AGBL4: variants seen among roughly 807,000 people sequenced by gnomAD.
The protein encoded by AGBL4 is AGBL carboxypeptidase 4, also known as cytosolic carboxypeptidase 6.
A neutral mutation model predicts 66.4 loss-of-function variants in AGBL4; 58 were observed. The ratio of observed to expected loss-of-function variants is 0.87; its 90% CI spans 0.71 to 1.09. AGBL4 has a LOEUF of 1.09. Among genes scored for constraint, AGBL4 ranks in the 50% least tolerant of loss-of-function variants. The pLI is 0.00. For missense variants in AGBL4, 579 were observed against 631.0 expected (o/e 0.92, Z 0.88); for synonymous variants, 234 against 222.9 (o/e 1.05, Z -0.44).
intron 4 of AGBL4, among the ~76,000 whole-genome samples, chr1:49,179,496 C>T (rs911733403): frequency 1.3e-5 from 2 of 151,782 alleles, no homozygotes; most frequent in Non-Finnish European, 1.5e-5. Context: ...GGGCCTTGAA[C>T]ATAGAAGATA....
chr1:48,668,605 C>T (rs1213026368), intron 6 of AGBL4, among the ~76,000 whole-genome samples: 6 of 152,148 alleles, frequency 3.9e-5, no homozygotes, highest in South Asian at 4.1e-4. Flanking sequence ...CCATCTTGGC[C>T]GTCTGGCTTA....
chr1:49,560,325 C>G (rs544875104), intron 3 of AGBL4, among the ~76,000 whole-genome samples: 1 of 152,086 alleles, frequency 6.6e-6, no homozygotes, highest in East Asian at 1.9e-4. Context: ...ATGAAAAACT[C>G]AATTCATGTA....
chr1:49,511,812 C>T (rs906396017), intron 3 of AGBL4, among the ~76,000 whole-genome samples: 2 of 151,800 alleles, frequency 1.3e-5, no homozygotes, highest in Non-Finnish European at 2.9e-5. Context: ...TAACATTGTA[C>T]ATGGACAGTT....
At chr1:48,977,351 A>G (rs1235688947) in intron 5 of AGBL4, among the ~76,000 whole-genome samples, 1 of 152,188 alleles carries the variant, frequency 6.6e-6, no homozygotes, top group African/African-American at 2.4e-5. Flanking sequence ...TCATAGATTT[A>G]TGAGATGATC....
intron 4 of AGBL4, among the ~76,000 whole-genome samples, chr1:49,078,733 T>G (rs959664825): frequency 6.6e-6 from 1 of 152,144 alleles, no homozygotes; most frequent in Non-Finnish European, 1.5e-5. Context: ...CTCCTTATCT[T>G]TCTCCTGGAC....
chr1:49,114,218 A>T (rs776151844), intron 4 of AGBL4, among the ~76,000 whole-genome samples: 1 of 152,220 alleles, frequency 6.6e-6, no homozygotes, highest in Non-Finnish European at 1.5e-5. Flanking sequence ...AACCTGTTGC[A>T]GTTTCTATAT....
intron 5 of AGBL4, among the ~76,000 whole-genome samples, chr1:48,939,423 C>T (rs1454875620): frequency 6.6e-6 from 1 of 152,158 alleles, no homozygotes; most frequent in Non-Finnish European, 1.5e-5. Context: ...AGCATCTAGT[C>T]AATAATGCTC....
chr1:48,661,999 T>G (rs960039012), intron 7 of AGBL4, among the ~76,000 whole-genome samples: 5 of 152,182 alleles, frequency 3.3e-5, no homozygotes, highest in Non-Finnish European at 7.3e-5. Context: ...TCATGCATCA[T>G]ACAAGCTGGT....
At chr1:49,681,854 A>G (rs1374505760) in intron 3 of AGBL4, among the ~76,000 whole-genome samples, 1 of 152,174 alleles carries the variant, frequency 6.6e-6, no homozygotes, top group Non-Finnish European at 1.5e-5. Context: ...TGGCTTAGCA[A>G]AGTAAAAGAG....
chr1:49,851,610 C>T (rs1336354529), intron 1 of AGBL4, 92 bp from the exon 2 acceptor site: 1 of 1,329,800 alleles, frequency 7.5e-7, no homozygotes, highest in Admixed American at 2.4e-5. Flanking sequence ...CCCTAGTCAC[C>T]AAGTGTTAAC....
chr1:49,360,734 T>C (rs769039808), intron 3 of AGBL4, among the ~76,000 whole-genome samples: 34 of 152,204 alleles, frequency 2.2e-4, no homozygotes, highest in Non-Finnish European at 4.4e-4. Context: ...AACATAGGTA[T>C]TATTTTTAAA....
At chr1:48,660,910 A>G (rs1557861739) in intron 7 of AGBL4, among the ~76,000 whole-genome samples, 1 of 152,256 alleles carries the variant, frequency 6.6e-6, no homozygotes, top group South Asian at 2.1e-4. Flanking sequence ...GGGAACATGT[A>G]CAGGCTTGGG....
intron 5 of AGBL4, among the ~76,000 whole-genome samples, chr1:48,912,859 G>T (rs1369375180): frequency 6.6e-6 from 1 of 152,112 alleles, no homozygotes; most frequent in South Asian, 2.1e-4. Flanking sequence ...AGGAATAGGG[G>T]TCTATTAGAA....
At chr1:49,032,736 T>C (rs143434205) in intron 5 of AGBL4, among the ~76,000 whole-genome samples, 291 of 152,256 alleles carry the variant, frequency 1.9e-3, no homozygotes, top group Admixed American at 3.9e-3. Context: ...TGCTGATAGT[T>C]TGAAGTATGG....
intron 6 of AGBL4, among the ~76,000 whole-genome samples, chr1:48,843,718 C>T (rs1454939956): frequency 2.0e-5 from 3 of 151,692 alleles, no homozygotes; most frequent in Non-Finnish European, 2.9e-5. Flanking sequence ...GTCAGAAAGG[C>T]CCTTTGAAAT....
chr1:49,071,177 A>T (rs1450735561), intron 4 of AGBL4, among the ~76,000 whole-genome samples: 1 of 151,580 alleles, frequency 6.6e-6, no homozygotes, highest in Admixed American at 6.6e-5. Context: ...TATTTTGTTT[A>T]TCTTTTCAAA....
intron 3 of AGBL4, among the ~76,000 whole-genome samples, chr1:49,598,445 C>T (rs979118710): frequency 1.3e-5 from 2 of 152,196 alleles, no homozygotes; most frequent in African/African-American, 4.8e-5. Context: ...ACAGGACCTT[C>T]AGCTGCAGGT....
chr1:49,197,633 T>A (rs1570030608), intron 4 of AGBL4, among the ~76,000 whole-genome samples: 1 of 152,286 alleles, frequency 6.6e-6, no homozygotes, highest in East Asian at 1.9e-4. Context: ...CAAGATGCAG[T>A]GGGGCTCAAT....
chr1:48,566,579 G>T (rs186138871), intron 11 of AGBL4, among the ~76,000 whole-genome samples: 1 of 152,336 alleles, frequency 6.6e-6, no homozygotes, highest in East Asian at 1.9e-4. Flanking sequence ...CAAATAAGTT[G>T]TCAAACATTA....
Sources: allele counts gnomAD v4.1 joint callset (sites outside exome capture counted in the v4.1 genomes callset), GRCh38; gene constraint gnomAD v4.1.1; transcripts MANE v1.5; gene names NCBI Gene and HGNC (gene_info 2026-07-23, HGNC 2026-07-21).